Variants in ZRSR2 observed in about 807,000 individuals in gnomAD.
The protein encoded by ZRSR2 is U2 small nuclear ribonucleoprotein auxiliary factor 35 kDa subunit-related protein 2.
ZRSR2 carries 3 observed loss-of-function variants against 39.4 expected under a neutral mutation model. The observed-to-expected ratio is 0.08, with a 90% CI of 0.03 to 0.20. The LOEUF is 0.20. ZRSR2 is among the 10% of genes least tolerant of loss of function. The pLI is 1.00. For missense variants in ZRSR2, 256 were observed against 391.5 expected, an observed-to-expected ratio of 0.65 and a Z score of 2.92; for synonymous variants, 137 against 136.0, an observed-to-expected ratio of 1.01 and a Z score of -0.05.
At chrX:15,810,891 T>C (rs1314500407) in intron 7 of ZRSR2, among the ~76,000 whole-genome samples, 1 of 106,427 alleles carries the variant, frequency 9.4e-6, no homozygotes, top group East Asian at 2.8e-4. Context: ...AATATATTTA[T>C]ATATATTTAT....
intron 7 of ZRSR2, among the ~76,000 whole-genome samples, chrX:15,809,655 A>G (rs1054825329): frequency 2.7e-5 from 3 of 111,800 alleles, no homozygotes; most frequent in Admixed American, 9.5e-5. Flanking sequence ...ATATATTTGA[A>G]GAGCTTAGAG....
chrX:15,804,216 T>C lies in ZRSR2; in HGVS notation c.399+19T>C. ...AAAAGAGGTGATTCCTGTCATGGGATGTGCTGTGTGATGAGTTTGAAGAAT... is the reference window on the plus strand; with the variant it reads ...AAAAGAGGTGATTCCTGTCATGGGACGTGCTGTGTGATGAGTTTGAAGAAT... On this transcript the variant is annotated intron_variant, in intron 5 of 10. Transcript: ENST00000307771. 1 of 1,167,077 alleles carries C rather than the reference T, an allele frequency of 8.6e-7. No individual in the cohort carries two copies. Among genetic ancestry groups the C allele is most frequent in the Non-Finnish European group, 1.1e-6 (1 of 879,081 alleles).
At position 15,823,030 on chromosome X, in the gene ZRSR2, A is replaced by G. The variant is rs766869777; in HGVS notation, c.1237A>G (p.Lys413Glu). The part of the protein sequence containing the change: ...RGKKSHKRTS[K>E]SRERHNSRSR... ...GAAGAAATCTCACAAACGCACATCA[A>G]AGAGTCGGGAGAGGCACAATTCACG... is the stretch of plus-strand genomic sequence containing the variant. The change falls in exon 11 of 11, where the codon AAG becomes GAG. Residue 413 changes from lysine (K) to glutamate (E), a missense_variant. Lys to Glu is a moderately conservative substitution (Grantham distance 56, BLOSUM62 1). Coordinates refer to ENST00000307771, the MANE Select transcript of ZRSR2 (RefSeq NM_005089.4). 10 of 1,212,135 alleles carry G rather than the reference A, an allele frequency of 8.2e-6. No individual in the cohort carries two copies. The highest frequency in any genetic ancestry group is 1.0e-5 in the Non-Finnish European group (9 of 895,576).
At chrX:15,809,540 T>G (rs1210948753) in intron 7 of ZRSR2, among the ~76,000 whole-genome samples, 1 of 112,768 alleles carries the variant, frequency 8.9e-6, no homozygotes, top group Non-Finnish European at 1.9e-5. Context: ...CCTAGTTCTC[T>G]GAGGGTGCTT....
intron 5 of ZRSR2, among the ~76,000 whole-genome samples, chrX:15,806,618 G>T (rs1191153817): frequency 9.1e-6 from 1 of 110,086 alleles, no homozygotes; most frequent in Non-Finnish European, 1.9e-5. Flanking sequence ...GTAGAGACAG[G>T]GTTTCACCAT....
chrX:15,791,659 T>C (rs1489896359), intron 2 of ZRSR2, among the ~76,000 whole-genome samples: 23 of 91,746 alleles, frequency 2.5e-4, no homozygotes, highest in Admixed American at 5.9e-4. Flanking sequence ...TTTTCTTTTT[T>C]TTTTTTTTTT....
At chrX:15,819,853 C>T (rs1382108231) in intron 9 of ZRSR2, among the ~76,000 whole-genome samples, 1 of 111,573 alleles carries the variant, frequency 9.0e-6, no homozygotes, top group Non-Finnish European at 1.9e-5. Context: ...CATACCATGG[C>T]TAATGGGTTA....
At chrX:15,792,261 A>G (rs756876938) in intron 2 of ZRSR2, among the ~76,000 whole-genome samples, 8 of 111,997 alleles carry the variant, frequency 7.1e-5, no homozygotes, top group Admixed American at 5.6e-4. Flanking sequence ...TGCCTCTACT[A>G]AAAATACAAG....
rs1328133356 is a variant in ZRSR2, at chrX:15,815,907, A to G, written c.771+17A>G. ...CAGTTCAAGGTGGGCATGCGTGTGGAGGAGGGGACTGGTTTGCTTCACCCT... is the reference window on the plus strand; with the variant it reads ...CAGTTCAAGGTGGGCATGCGTGTGGGGGAGGGGACTGGTTTGCTTCACCCT... On this transcript the variant is annotated intron_variant, in intron 8 of 10. Coordinates refer to ENST00000307771, the MANE Select transcript of ZRSR2 (RefSeq NM_005089.4). 4 of 1,176,768 alleles carry G rather than the reference A, an allele frequency of 3.4e-6. No homozygotes were observed.
rs1004631805 is a variant in ZRSR2 at position 15,796,251 on chromosome X, G to A, written c.122-3621G>A. On this transcript the variant is annotated intron_variant, in intron 2 of 10. Coordinates refer to ENST00000307771, the MANE Select transcript of ZRSR2 (RefSeq NM_005089.4). ...TCCAGCATCGCTAGTCGCACTTTGTGTGAGTCTCATGATGTTATTCAAGGT... is the reference window on the plus strand; with the variant it reads ...TCCAGCATCGCTAGTCGCACTTTGTATGAGTCTCATGATGTTATTCAAGGT... Among the ~76,000 whole-genome samples the A allele has an allele frequency of 3.6e-5, 4 of 111,983 alleles. No individual in the cohort carries two copies. The Admixed American group carries it at 3.8e-4, about 11-fold the overall frequency.
intron 9 of ZRSR2, among the ~76,000 whole-genome samples, chrX:15,819,333 C>T (rs1007677424): frequency 2.7e-5 from 3 of 109,458 alleles, no homozygotes; most frequent in South Asian, 4.0e-4. Context: ...ATTAGCCAGG[C>T]GTGGTGGCAG....
intron 7 of ZRSR2, among the ~76,000 whole-genome samples, chrX:15,815,218 G>A (rs1391800645): frequency 1.8e-5 from 2 of 112,814 alleles, no homozygotes; most frequent in Admixed American, 9.4e-5. Flanking sequence ...GCATCTGAGT[G>A]GGGTTTATTA....
intron 10 of ZRSR2, among the ~76,000 whole-genome samples, chrX:15,821,155 C>CT (rs757522830): frequency 1.8e-5 from 2 of 110,978 alleles, no homozygotes; most frequent in African/African-American, 6.6e-5. Context: ...TTTAGGATTC[C>CT]TGGCTAAGGG....
intron 10 of ZRSR2, 139 bp from the exon 11 acceptor site, chrX:15,822,592 G>A (rs1359438925): frequency 9.3e-7 from 1 of 1,072,035 alleles, no homozygotes; most frequent in African/African-American, 1.9e-5. Flanking sequence ...ATCAATTTAT[G>A]TAAGCCCCTT....
In ZRSR2 at chrX:15,790,525, C is replaced by T. The variant is rs1405377723; in HGVS notation, c.30C>T (p.Pro10=). 20 of 1,159,691 alleles carry T rather than the reference C, an allele frequency of 1.7e-5. No homozygotes were observed. Among genetic ancestry groups the T allele is most frequent in the Non-Finnish European group, 2.2e-5 (19 of 871,263 alleles). Reference sequence around the variant, plus strand: ...CTGCGCCCGAGAAGATGACGTTTCCCGAGAAACCAAGGTAAGCGCCGTACG... The same window carrying T: ...CTGCGCCCGAGAAGATGACGTTTCCTGAGAAACCAAGGTAAGCGCCGTACG... MAAPEKMTF[P]EKPSHKKYRA... Residue 10 remains proline, a synonymous_variant, in exon 1 of 11, where the codon CCC becomes CCT. Transcript: ENST00000307771.
At chrX:15,813,846 G>A (rs1174026477) in intron 7 of ZRSR2, among the ~76,000 whole-genome samples, 1 of 111,361 alleles carries the variant, frequency 9.0e-6, no homozygotes, top group Non-Finnish European at 1.9e-5. Flanking sequence ...AGGTCATTTG[G>A]AAAATAGAAA....
chrX:15,820,087 T>TACA lies in ZRSR2; in HGVS notation c.828-118_828-116dup, dbSNP rs765615436. On this transcript the variant is annotated intron_variant, in intron 9 of 10. Coordinates refer to ENST00000307771, the MANE Select transcript of ZRSR2 (RefSeq NM_005089.4). Reference sequence around the variant, plus strand: ...ACCATTTTAATGACTCTTCCCTAGGTACAAAATCAGTGAACTTGGTGGTCC... The same window carrying TACA: ...ACCATTTTAATGACTCTTCCCTAGGTACAACAAAATCAGTGAACTTGGTGGTCC... 62 of 638,503 alleles carry TACA rather than the reference T, an allele frequency of 9.7e-5. 1 individual carries two copies. The South Asian group carries it at 1.7e-3, about 17-fold the overall frequency. 52.6% of individuals were successfully genotyped at this position (638,503 alleles called of 1,213,427 possible). A position where few individuals can be genotyped will look rare whatever the true frequency, so the allele number is the denominator to read the frequency against.
chrX:15,803,367 T>C (rs1193754445), intron 3 of ZRSR2, among the ~76,000 whole-genome samples: 1 of 111,915 alleles, frequency 8.9e-6, no homozygotes, highest in Non-Finnish European at 1.9e-5. Context: ...CATTTTATTG[T>C]CACCTAAACA....
At chrX:15,803,950 A>G (rs1374450263) in intron 4 of ZRSR2, among the ~76,000 whole-genome samples, 154 bp downstream of exon 4, 1 of 104,394 alleles carries the variant, frequency 9.6e-6, no homozygotes, top group African/African-American at 3.5e-5. Context: ...TCTCAAAAAG[A>G]AAAAAAAAAA....
Sources: gnomAD v4.1 joint callset for allele counts (sites outside exome capture counted in the v4.1 genomes callset) on GRCh38, gnomAD v4.1.1 for gene constraint, MANE v1.5 for transcripts, NCBI Gene and HGNC (gene_info 2026-07-23, HGNC 2026-07-21) for gene names.